The following PCDHA4 variants were observed in gnomAD, a reference collection of about 807,000 sequenced individuals.
PCDHA4 encodes the protein protocadherin alpha 4.
Under a neutral mutation model 61.4 loss-of-function variants are expected in PCDHA4, and 49 were observed. The ratio of observed to expected loss-of-function variants is 0.80; its 90% CI spans 0.63 to 1.01. The LOEUF is 1.01. Ranked by LOEUF, PCDHA4 falls within the 50% of genes least tolerant of loss-of-function variation. PCDHA4 has a pLI of 0.00. For synonymous variants in PCDHA4, 590 were observed against 550.3 expected, an observed-to-expected ratio of 1.07 and a Z score of -1.01; for missense variants, 1,254 against 1,235.8, an observed-to-expected ratio of 1.01 and a Z score of -0.22.
chr5:140,850,140 G>C (rs2150469344), intron 1 of PCDHA4: 2 of 1,595,708 alleles, frequency 1.3e-6, no homozygotes, highest in East Asian at 2.2e-5. Flanking sequence ...GGGCAGCAAC[G>C]TGACGCTGCA....
At chr5:140,874,354 T>C (rs1554167160) in intron 1 of PCDHA4, among the ~76,000 whole-genome samples, 5 of 152,214 alleles carry the variant, frequency 3.3e-5, no homozygotes, top group Non-Finnish European at 7.3e-5. Context: ...TGATCTTGAA[T>C]TAATGAATAA....
At position 140,993,462 on chromosome 5, in the gene PCDHA4, TCACACACACACACACACACA is replaced by T. The variant is rs3836747; in HGVS notation, c.2533+10927_2533+10946del. ...CATTCCTGTTCTCCTTCTTTCTTTC[TCACACACACACACACACACA>T]CACACACACACACACACACACACAC... On this transcript the variant is annotated intron_variant, in intron 3 of 3. Coordinates refer to ENST00000530339, the MANE Select transcript of PCDHA4 (RefSeq NM_018907.4). Among the ~76,000 whole-genome samples the T allele has an allele frequency of 7.1e-5, 10 of 141,044 alleles. No individual in the cohort carries two copies. In the South Asian group the frequency reaches 9.5e-4, roughly 13 times the overall value. The allele number at this position is 141,044 out of a possible 152,430, so 92.5% of individuals were successfully genotyped here.
At position 140,840,122 on chromosome 5, in the gene PCDHA4, T is replaced by A. The variant is rs184520865; in HGVS notation, c.2385+30550T>A. On this transcript the variant is annotated intron_variant, in intron 1 of 3. Coordinates refer to ENST00000530339, the MANE Select transcript of PCDHA4 (RefSeq NM_018907.4). ...TAGTGAAATCGAGTGAAAGCTGTACTAATAAGGACAGAAATTATCACACGT... is the reference window on the plus strand; with the variant it reads ...TAGTGAAATCGAGTGAAAGCTGTACAAATAAGGACAGAAATTATCACACGT... 2.2e-3 allele frequency among the ~76,000 whole-genome samples: 336 copies of A among 152,116 alleles called. 4 individuals are homozygous for A. The highest frequency in any genetic ancestry group is 7.4e-3 in the African/African-American group (307 of 41,470).
Position 140,853,252 on chromosome 5 carries a change from C to T in PCDHA4, c.2385+43680C>T. 3 of 974,906 alleles carry T rather than the reference C, an allele frequency of 3.1e-6. 1 individual carries two copies. 60.4% of individuals were successfully genotyped at this position (974,906 alleles called of 1,614,324 possible). On this transcript the variant is annotated intron_variant, in intron 1 of 3. Transcript: ENST00000530339. ...TTAGTCCTTCATATTAATCTCTATT[C>T]TCTCTCAGAGTACAAGCTCTCATCA...
intron 1 of PCDHA4, among the ~76,000 whole-genome samples, chr5:140,970,698 A>G (rs2096425914): frequency 6.6e-6 from 1 of 152,228 alleles, no homozygotes; most frequent in Non-Finnish European, 1.5e-5. Flanking sequence ...TTTTAGAGCT[A>G]CTACACAATG....
intron 1 of PCDHA4, chr5:140,842,983 C>G (rs2150349153): frequency 6.3e-7 from 1 of 1,594,998 alleles, no homozygotes; most frequent in Non-Finnish European, 8.6e-7. Flanking sequence ...TGCAGGTGTT[C>G]GTGCTGGACG....
rs782681619 is a variant in PCDHA4, at chr5:141,009,600, A to G, written c.2534-27A>G. On this transcript the variant is annotated intron_variant, in intron 3 of 3. Coordinates refer to ENST00000530339, the MANE Select transcript of PCDHA4 (RefSeq NM_018907.4). ...ATCAAGAGCATGTGTTGACCCTGTT[A>G]ATGATTTGTAATGTTTTGTCTTTCA... The G allele has an allele frequency of 1.9e-6, 3 of 1,607,002 alleles. No individual in the cohort carries two copies. In the Admixed American group the frequency reaches 5.0e-5, roughly 27 times the overall value.
At chr5:140,843,107 G>A in intron 1 of PCDHA4, 2 of 1,595,816 alleles carry the variant, frequency 1.3e-6, no homozygotes, top group Non-Finnish European at 1.7e-6. Context: ...GAAGGTGCGC[G>A]CAGTGGACGC....
chr5:140,850,081 A>G, intron 1 of PCDHA4: 1 of 1,596,386 alleles, frequency 6.3e-7, no homozygotes, highest in South Asian at 1.1e-5. Context: ...GAGGAGCTGG[A>G]GCTGCTACAG....
chr5:140,903,958 T>G (rs960235173), intron 1 of PCDHA4, among the ~76,000 whole-genome samples: 1 of 152,236 alleles, frequency 6.6e-6, no homozygotes, highest in Non-Finnish European at 1.5e-5. Context: ...GAAAATTATT[T>G]GTTGATTTTT....
intron 1 of PCDHA4, chr5:140,861,445 G>T (rs1196401790): frequency 2.0e-6 from 1 of 494,332 alleles, no homozygotes; most frequent in Non-Finnish European, 4.2e-6. Flanking sequence ...AAAAGCCGCA[G>T]AAACCTTCTG....
chr5:140,841,449 C>T (rs2150315739), intron 1 of PCDHA4: 8 of 1,612,922 alleles, frequency 5.0e-6, no homozygotes, highest in South Asian at 1.1e-5. Context: ...AAACACGGCA[C>T]CTTCGTGGGC....
intron 3 of PCDHA4, among the ~76,000 whole-genome samples, chr5:140,993,229 C>T (rs1396962894): frequency 6.6e-6 from 1 of 152,092 alleles, no homozygotes; most frequent in Non-Finnish European, 1.5e-5. Flanking sequence ...GGTATGTTCT[C>T]TCTGAATCTG....
chr5:141,000,913 A>G (rs967026969), intron 3 of PCDHA4, among the ~76,000 whole-genome samples: 1 of 152,218 alleles, frequency 6.6e-6, no homozygotes, highest in African/African-American at 2.4e-5. Context: ...GTCTCTAAAA[A>G]AAAAAATCCT....
intron 1 of PCDHA4, among the ~76,000 whole-genome samples, chr5:140,820,122 T>C (rs1227258253): frequency 6.6e-6 from 1 of 151,978 alleles, no homozygotes; most frequent in Non-Finnish European, 1.5e-5. Flanking sequence ...TTTTTAACCA[T>C]TGTGTATTAA....
chr5:140,932,608 T>C (rs573580763), intron 1 of PCDHA4, among the ~76,000 whole-genome samples: 1 of 151,996 alleles, frequency 6.6e-6, no homozygotes, highest in African/African-American at 2.4e-5. Flanking sequence ...TATTTTGACT[T>C]TGAAGCTGAT....
intron 1 of PCDHA4, chr5:140,884,544 G>T: frequency 6.2e-7 from 1 of 1,614,222 alleles, no homozygotes; most frequent in South Asian, 1.1e-5. Flanking sequence ...CCGAGGGTGT[G>T]CTCTGGGGAG....
intron 1 of PCDHA4, among the ~76,000 whole-genome samples, chr5:140,891,677 TTCTC>T (rs1335607297): frequency 2.6e-5 from 4 of 152,240 alleles, no homozygotes; most frequent in African/African-American, 9.6e-5. Context: ...AGTTTAATAA[TTCTC>T]TCTTCTTGCT....
At chr5:140,865,067 T>C (rs2048722686) in intron 1 of PCDHA4, 1 of 152,340 alleles carries the variant, frequency 6.6e-6, no homozygotes, top group South Asian at 2.1e-4. Context: ...ATAACTTAAG[T>C]ATAAGAACCA....
Sources: gnomAD v4.1 joint callset for allele counts (sites outside exome capture counted in the v4.1 genomes callset) on GRCh38, gnomAD v4.1.1 for gene constraint, MANE v1.5 for transcripts, NCBI Gene and HGNC (gene_info 2026-07-23, HGNC 2026-07-21) for gene names.